The following ZRANB3 variants were observed in gnomAD, a reference collection of about 807,000 sequenced individuals.
The protein encoded by ZRANB3 is DNA annealing helicase and endonuclease ZRANB3.
ZRANB3 carries 125 observed loss-of-function variants against 133.8 expected under a neutral mutation model. The ratio of observed to expected loss-of-function variants is 0.93; its 90% CI spans 0.81 to 1.08. The LOEUF is 1.08. Among genes scored for constraint, ZRANB3 ranks in the 50% least tolerant of loss-of-function variants. ZRANB3 has a pLI of 0.00. For missense variants in ZRANB3, 1,229 were observed against 1,275.5 expected (o/e 0.96, Z 0.56); for synonymous variants, 387 against 432.7 (o/e 0.89, Z 1.31).
chr2:135,468,529 C>T (rs1251567006), intron 2 of ZRANB3, among the ~76,000 whole-genome samples: 2 of 152,180 alleles, frequency 1.3e-5, no homozygotes, highest in Non-Finnish European at 2.9e-5. Context: ...CAATGCATTT[C>T]TTAAAGACAA....
At chr2:135,202,363 GTAAC>G (rs2105031970) in intron 20 of ZRANB3, 1 of 152,518 alleles carries the variant, frequency 6.6e-6, no homozygotes, top group South Asian at 2.1e-4. Flanking sequence ...TAAGCAACAG[GTAAC>G]TAACTACCCA....
chr2:135,229,517 G>A (rs867324379), intron 13 of ZRANB3, among the ~76,000 whole-genome samples: 11 of 151,604 alleles, frequency 7.3e-5, no homozygotes, highest in Middle Eastern at 6.8e-3. Flanking sequence ...ACAGGCGCCC[G>A]CTACCACGCC....
At chr2:135,455,469 T>G (rs910553301) in intron 2 of ZRANB3, among the ~76,000 whole-genome samples, 1 of 151,850 alleles carries the variant, frequency 6.6e-6, no homozygotes, top group Non-Finnish European at 1.5e-5. Context: ...ATTACAGGCG[T>G]GAGCCACCAT....
intron 3 of ZRANB3, among the ~76,000 whole-genome samples, chr2:135,357,098 ATGT>A (rs1234591235): frequency 2.0e-5 from 3 of 151,596 alleles, no homozygotes; most frequent in Non-Finnish European, 2.9e-5. Context: ...TTTCTTGATG[ATGT>A]TGTTGTTTTA....
rs1553502629 is a variant in ZRANB3, at chr2:135,485,180, A to AACATAACATAACAT, written c.161+19148_161+19149insATGTTATGTTATGT. Among the ~76,000 whole-genome samples, 1,007 of 115,274 alleles carry AACATAACATAACAT rather than the reference A, an allele frequency of 8.7e-3. 10 individuals are homozygous for AACATAACATAACAT. Among genetic ancestry groups the AACATAACATAACAT allele is most frequent in the African/African-American group, 0.035 (601 of 17,362 alleles). The allele number at this position is 115,274 out of a possible 152,430, so 75.6% of individuals were successfully genotyped here. ...AAACAAAACAAAACAAAACAAAACAAAACAAAACATAACATAACATAACAT... is the reference window on the plus strand; with the variant it reads ...AAACAAAACAAAACAAAACAAAACAAACATAACATAACATAACAAAACATAACATAACATAACAT... On this transcript the variant is annotated intron_variant, in intron 2 of 20. Coordinates refer to ENST00000264159, the MANE Select transcript of ZRANB3 (RefSeq NM_032143.4).
intron 19 of ZRANB3, 150 bp downstream of exon 19, chr2:135,207,284 T>C: frequency 1.2e-6 from 1 of 821,422 alleles, no homozygotes; most frequent in Non-Finnish European, 1.7e-6. Context: ...TGCTGTAAAC[T>C]GTTAAAGCTG....
chr2:135,447,221 T>C (rs1690062072), intron 2 of ZRANB3, among the ~76,000 whole-genome samples: 1 of 152,060 alleles, frequency 6.6e-6, no homozygotes, highest in East Asian at 1.9e-4. Context: ...GTATTTTTAG[T>C]AGAGATGGGG....
At chr2:135,203,612 CAAAAAAAAAAAA>C (rs1051712787) in intron 19 of ZRANB3, among the ~76,000 whole-genome samples, 1 of 62,090 alleles carries the variant, frequency 1.6e-5, no homozygotes, top group Non-Finnish European at 3.6e-5. Context: ...GACTCGGTCT[CAAAAAAAAAAAA>C]AAAAAAAAAG....
At chr2:135,238,212 G>A (rs1165702987) in intron 12 of ZRANB3, among the ~76,000 whole-genome samples, 1 of 152,112 alleles carries the variant, frequency 6.6e-6, no homozygotes, top group African/African-American at 2.4e-5. Context: ...AACACAGTGT[G>A]GCTGAATATA....
chr2:135,246,763 A>G (rs1695820096), intron 12 of ZRANB3, among the ~76,000 whole-genome samples: 1 of 152,230 alleles, frequency 6.6e-6, no homozygotes, highest in South Asian at 2.1e-4. Flanking sequence ...ACAAAAGAAA[A>G]ATACTGCTTT....
chr2:135,241,661 G>C (rs1217986085), intron 12 of ZRANB3, among the ~76,000 whole-genome samples: 2 of 152,020 alleles, frequency 1.3e-5, no homozygotes, highest in Admixed American at 6.6e-5. Flanking sequence ...TGAGGGGTGA[G>C]GAAGATGCAG....
chr2:135,509,444 G>T lies in ZRANB3; in HGVS notation c.-7-4948C>A, dbSNP rs145299607. Among the ~76,000 whole-genome samples the T allele has an allele frequency of 2.6e-3, 399 of 152,184 alleles. 1 individual carries two copies. Among genetic ancestry groups the T allele is most frequent in the African/African-American group, 8.8e-3 (364 of 41,544 alleles). On this transcript the variant is annotated intron_variant, in intron 1 of 20. Coordinates refer to ENST00000264159, the MANE Select transcript of ZRANB3 (RefSeq NM_032143.4). ...CTACAATTCCCCACATGAAGTATAA[G>T]TCAACCATAGTAAAACCTAATAAAA...
intron 8 of ZRANB3, among the ~76,000 whole-genome samples, chr2:135,294,999 G>A (rs1490974491): frequency 1.3e-5 from 2 of 152,112 alleles, no homozygotes; most frequent in African/African-American, 4.8e-5. Context: ...CATTTGCTGA[G>A]GAGTGCTTTA....
At chr2:135,351,105 C>A (rs977374165) in intron 4 of ZRANB3, among the ~76,000 whole-genome samples, 7 of 151,902 alleles carry the variant, frequency 4.6e-5, no homozygotes, top group Non-Finnish European at 8.8e-5. Context: ...ATCACTTTTG[C>A]ATTTTCTATA....
At chr2:135,324,068 C>T (rs1683675915) in intron 6 of ZRANB3, among the ~76,000 whole-genome samples, 1 of 151,926 alleles carries the variant, frequency 6.6e-6, no homozygotes, top group Admixed American at 6.6e-5. Context: ...TGTGTCTGGC[C>T]CTCATCTTGA....
At chr2:135,392,107 A>C (rs919148778) in intron 2 of ZRANB3, among the ~76,000 whole-genome samples, 2 of 152,072 alleles carry the variant, frequency 1.3e-5, no homozygotes, top group Non-Finnish European at 2.9e-5. Flanking sequence ...TAATCCCTTA[A>C]GTGAGGATAT....
chr2:135,365,293 G>A (rs1685877026), intron 3 of ZRANB3, among the ~76,000 whole-genome samples: 1 of 151,910 alleles, frequency 6.6e-6, no homozygotes, highest in Admixed American at 6.6e-5. Flanking sequence ...ACGAAATTTG[G>A]CTTTTCACTT....
At chr2:135,271,501 A>G in intron 10 of ZRANB3, 1 of 517,882 alleles carries the variant, frequency 1.9e-6, no homozygotes, top group South Asian at 1.9e-5. Flanking sequence ...AAATATTACA[A>G]TCAAATTAAC....
At chr2:135,310,226 C>T (rs377447074) in intron 8 of ZRANB3, among the ~76,000 whole-genome samples, 3 of 152,084 alleles carry the variant, frequency 2.0e-5, no homozygotes, top group East Asian at 1.9e-4. Context: ...CATGAGCCAC[C>T]GTGCCTGGCC....
Sources: gnomAD v4.1 joint callset for allele counts (sites outside exome capture counted in the v4.1 genomes callset) on GRCh38, gnomAD v4.1.1 for gene constraint, MANE v1.5 for transcripts, NCBI Gene and HGNC (gene_info 2026-07-23, HGNC 2026-07-21) for gene names.